The following RNF213 variants were observed in gnomAD, a reference collection of about 807,000 sequenced individuals.
RNF213 encodes the protein ring finger protein 213.
A neutral mutation model predicts 514.4 loss-of-function variants in RNF213; 341 were observed. That is an observed-to-expected ratio of 0.66 (90% CI 0.61 to 0.73). The LOEUF is 0.73. Ranked by LOEUF, RNF213 falls within the 30% of genes least tolerant of loss-of-function variation. The pLI is 0.00. For synonymous variants in RNF213, 2,655 were observed against 2,658.2 expected (o/e 1.00, Z 0.04); for missense variants, 5,767 against 6,615.6 (o/e 0.87, Z 4.45).
At position 80,303,878 on chromosome 17, in the gene RNF213, G is replaced by A. The variant is rs577887273; in HGVS notation, c.2211-2374G>A. ...AGCCACCCACTGTGCCTGGCCAGCC[G>A]TTGGGAACCAATTCTAATTAAAGCT... On this transcript the variant is annotated intron_variant, in intron 11 of 67. Transcript: ENST00000582970. Among the ~76,000 whole-genome samples, 27 of 150,730 alleles carry A rather than the reference G, an allele frequency of 1.8e-4. 1 individual carries two copies. The highest frequency in any genetic ancestry group is 1.1e-3 in the South Asian group (5 of 4,732).
At chr17:80,360,313 GT>G in intron 38 of RNF213, 107 bp downstream of exon 38, 2 of 1,303,148 alleles carry the variant, frequency 1.5e-6, no homozygotes, top group Non-Finnish European at 2.2e-6. Flanking sequence ...GAATTTTGGA[GT>G]TTTTAGTTTT....
Position 80,298,521 on chromosome 17 carries a change from A to G in RNF213, c.2210+3A>G, listed in dbSNP as rs780151311. ...TTCCGGGAACAAATGCTAGATACGT[A>G]AGTCGTAGAGTTGTGCTTATCTACA... On this transcript the variant is annotated splice_donor_region_variant and intron_variant, in intron 11 of 67. Transcript: ENST00000582970. 1 of 1,614,084 alleles carries G rather than the reference A, an allele frequency of 6.2e-7. No individual in the cohort carries two copies. The highest frequency in any genetic ancestry group is 8.5e-7 in the Non-Finnish European group (1 of 1,180,020).
chr17:80,383,043 C>A lies in RNF213; in HGVS notation c.14043C>A (p.Ile4681=). ...TGAGGAACAACTGGGAAAAGGAAAT[C>A]GCAGCTGTGATTTCTCCTGAACTGG... ...KEMRNNWEKE[I]AAVISPELEH... Residue 4681 remains isoleucine, a synonymous_variant, in exon 58 of 68, where the codon ATC becomes ATA. Transcript: ENST00000582970. 6.2e-7 allele frequency: 1 copy of A among 1,613,704 alleles called. No individual in the cohort carries two copies. Among genetic ancestry groups the A allele is most frequent in the Non-Finnish European group, 8.5e-7 (1 of 1,179,640 alleles).
intron 51 of RNF213, 74 bp from the exon 52 acceptor site, chr17:80,376,227 T>C: frequency 6.6e-7 from 1 of 1,515,144 alleles, no homozygotes; most frequent in Non-Finnish European, 9.2e-7. Flanking sequence ...GTGTATTTGG[T>C]GTCAGTGTAT....
At position 80,264,977 on chromosome 17, in the gene RNF213, G is replaced by GCTC. The variant is rs2043558303; in HGVS notation, c.97+1200_97+1202dup. Among the ~76,000 whole-genome samples, 1 of 151,108 alleles carries GCTC rather than the reference G, an allele frequency of 6.6e-6. No homozygotes were observed. Among genetic ancestry groups the GCTC allele is most frequent in the Admixed American group, 6.6e-5 (1 of 15,176 alleles). ...CCCCTCTTTCAGTCTTTGCCCAGCT[G>GCTC]CTCGCCATGGGGTCTCTCCGATGTT... On this transcript the variant is annotated intron_variant, in intron 2 of 67. Coordinates refer to ENST00000582970, the MANE Select transcript of RNF213 (RefSeq NM_001256071.3). This position sits in a 1 kb window ranked among gnomAD's most constrained non-coding sequence, Gnocchi z 5.0.
chr17:80,397,573 GC>G lies in RNF213; in HGVS notation c.*4080del. 1 of 152,040 alleles carries G rather than the reference GC, an allele frequency of 6.6e-6. No individual in the cohort carries two copies. The allele number at this position is 152,040 out of a possible 1,614,324, so 9.4% of individuals were successfully genotyped here. A position where few individuals can be genotyped will look rare whatever the true frequency, so the allele number is the denominator to read the frequency against. On this transcript the variant is annotated 3_prime_UTR_variant, in exon 68 of 68. Transcript: ENST00000582970. ...TCCGTTCTAATTACGGGTGCATGCAGCCCCCAGTCACGTACCCCCTGCTTGC... is the reference window on the plus strand; with the variant it reads ...TCCGTTCTAATTACGGGTGCATGCAGCCCCAGTCACGTACCCCCTGCTTGC...
chr17:80,323,538 T>C (rs1172842300), intron 17 of RNF213, among the ~76,000 whole-genome samples: 1 of 152,092 alleles, frequency 6.6e-6, no homozygotes, highest in Non-Finnish European at 1.5e-5. Flanking sequence ...AGATTTTTTT[T>C]TTTCCCCTGT....
chr17:80,365,779 G>A (rs1334970025), intron 42 of RNF213, among the ~76,000 whole-genome samples: 2 of 152,124 alleles, frequency 1.3e-5, no homozygotes, highest in Non-Finnish European at 2.9e-5. Context: ...GCCTCTCCAA[G>A]TCTCATCATG....
chr17:80,373,105 C>A lies in RNF213; in HGVS notation c.12882C>A (p.Gly4294=), dbSNP rs761835688. ...AGCGGGGGATGGAGTTCGTGCAGGGCCTCTCCAAGCCCGGCCGCCCGCACC... is the reference window on the plus strand; with the variant it reads ...AGCGGGGGATGGAGTTCGTGCAGGGACTCTCCAAGCCCGGCCGCCCGCACC... ...SSQRGMEFVQ[G]LSKPGRPHQW... is the part of the protein sequence containing the mutation. The change falls in exon 49 of 68, where the codon GGC becomes GGA. Residue 4294 remains glycine (G), a synonymous_variant. Coordinates refer to ENST00000582970, the MANE Select transcript of RNF213 (RefSeq NM_001256071.3). The A allele has an allele frequency of 7.4e-6, 12 of 1,613,680 alleles. No homozygotes were observed. Among genetic ancestry groups the A allele is most frequent in the Non-Finnish European group, 9.3e-6 (11 of 1,179,984 alleles).
intron 23 of RNF213, 148 bp from the exon 24 acceptor site, chr17:80,337,438 G>A (rs1396356566): frequency 2.0e-5 from 20 of 995,886 alleles, no homozygotes; most frequent in Admixed American, 2.7e-5. Flanking sequence ...CAGCTGGGGC[G>A]CTGGGTGGGC....
chr17:80,393,286 A>G, intron 67 of RNF213, 59 bp from the exon 68 acceptor site: 4 of 1,419,914 alleles, frequency 2.8e-6, no homozygotes, highest in Non-Finnish European at 3.9e-6. Context: ...CTGGGCTTAC[A>G]CACGTGAGCC....
intron 51 of RNF213, 43 bp from the exon 52 acceptor site, chr17:80,376,258 A>G (rs556511038): frequency 6.2e-7 from 1 of 1,610,706 alleles, no homozygotes; most frequent in African/African-American, 1.3e-5. Context: ...AATTCACACA[A>G]TATTCTTTGA....
At chr17:80,376,814 T>C (rs2079778120) in intron 52 of RNF213, 68 bp from the exon 53 acceptor site, 1 of 1,394,066 alleles carries the variant, frequency 7.2e-7, no homozygotes, top group African/African-American at 1.4e-5. Flanking sequence ...CTAGGCCTCC[T>C]GCTGAGCAGC....
chr17:80,355,360 A>C (rs111901869), intron 36 of RNF213: 365 of 398,498 alleles, frequency 9.2e-4, no homozygotes, highest in African/African-American at 3.0e-3. Flanking sequence ...AGCGGGGTGA[A>C]CGGGAATGGG....
At chr17:80,306,748 A>G (rs1422941478) in intron 12 of RNF213, among the ~76,000 whole-genome samples, 1 of 151,322 alleles carries the variant, frequency 6.6e-6, no homozygotes, top group African/African-American at 2.4e-5. Flanking sequence ...GCTACTCAGG[A>G]GGCTGAGGCA....
rs1305477400 is a variant in RNF213, at chr17:80,376,937, A to G, written c.13484A>G (p.Lys4495Arg). The change falls in exon 53 of 68, where the codon AAG (lysine) becomes AGG (arginine). Residue 4495 changes from lysine (K) to arginine (R), a missense_variant. Transcript: ENST00000582970. ...TTGCTGGCTCAAGCTCGGAGGTGGAAGGGTCTGGAGCGAGTCCACTGGTAC... is the reference window on the plus strand; with the variant it reads ...TTGCTGGCTCAAGCTCGGAGGTGGAGGGGTCTGGAGCGAGTCCACTGGTAC... ...EDLLAQARRW[K>R]GLERVHWYTC... 1 of 1,614,040 alleles carries G rather than the reference A, an allele frequency of 6.2e-7. No homozygotes were observed. Among genetic ancestry groups the G allele is most frequent in the East Asian group, 2.2e-5 (1 of 44,880 alleles).
intron 59 of RNF213, among the ~76,000 whole-genome samples, chr17:80,384,320 C>T (rs765339858): frequency 3.9e-5 from 6 of 152,138 alleles, no homozygotes; most frequent in African/African-American, 7.2e-5. Context: ...GCCTAAGCAT[C>T]GAGGCGTACG....
chr17:80,267,981 G>A (rs1012947347), intron 2 of RNF213, among the ~76,000 whole-genome samples: 1 of 151,590 alleles, frequency 6.6e-6, no homozygotes, highest in South Asian at 2.1e-4. Context: ...CACCACTTCC[G>A]GCTAATATTG....
chr17:80,275,318 T>G (rs1041084397), intron 3 of RNF213, among the ~76,000 whole-genome samples: 4 of 151,946 alleles, frequency 2.6e-5, no homozygotes, highest in Admixed American at 2.6e-4. Flanking sequence ...TCCCTTTTTA[T>G]GCCTAATTTG....
Sources: allele counts gnomAD v4.1 joint callset (sites outside exome capture counted in the v4.1 genomes callset), GRCh38; gene constraint gnomAD v4.1.1; non-coding constraint Gnocchi (gnomAD v3.1); transcripts MANE v1.5; gene names NCBI Gene and HGNC (gene_info 2026-07-23, HGNC 2026-07-21).